Variants in LOC102723971 observed in about 807,000 individuals in gnomAD.
At chr9:135,617,412 CGA>C in the LOC102723971 span, among the ~76,000 whole-genome samples, 9 of 152,132 alleles carry the variant, frequency 5.9e-5, no homozygotes, top group East Asian at 9.7e-4. Flanking sequence ...GAGAAGGGCT[CGA>C]AGGGCACAGG....
the LOC102723971 span, among the ~76,000 whole-genome samples, chr9:135,619,536 C>T: frequency 2.0e-5 from 3 of 152,116 alleles, no homozygotes; most frequent in South Asian, 2.1e-4. Context: ...CGTGAGCAAA[C>T]GCATATGTCC....
the LOC102723971 span, among the ~76,000 whole-genome samples, chr9:135,619,170 C>T: frequency 6.6e-6 from 1 of 152,154 alleles, no homozygotes; most frequent in Non-Finnish European, 1.5e-5. Flanking sequence ...GGCCTCTTCC[C>T]TCTGTGCGTC....
chr9:135,617,801 C>T, the LOC102723971 span: 5 of 394,260 alleles, frequency 1.3e-5, no homozygotes, highest in African/African-American at 2.1e-5. Flanking sequence ...GTCCGAAGAG[C>T]CCCCAGACTG....
chr9:135,618,041 G>A, the LOC102723971 span: 8 of 398,598 alleles, frequency 2.0e-5, no homozygotes, highest in Non-Finnish European at 3.1e-5. Context: ...CTTCAACATA[G>A]ATGGTGAGCA....
the LOC102723971 span, among the ~76,000 whole-genome samples, chr9:135,618,318 G>C: frequency 1.3e-5 from 2 of 152,270 alleles, no homozygotes; most frequent in Non-Finnish European, 2.9e-5. Context: ...GAGCTGGAAG[G>C]GATCCAGATC....
the LOC102723971 span, among the ~76,000 whole-genome samples, chr9:135,619,856 C>A: frequency 7.6e-6 from 1 of 132,050 alleles, no homozygotes; most frequent in South Asian, 2.7e-4. Flanking sequence ...GCCTTCTCCC[C>A]CTTCTCCCCC....
At chr9:135,616,872 A>C in the LOC102723971 span, 1 of 398,528 alleles carries the variant, frequency 2.5e-6, no homozygotes, top group Non-Finnish European at 4.4e-6. Flanking sequence ...CGGAGGAGAG[A>C]GGCATCGTGC....
the LOC102723971 span, among the ~76,000 whole-genome samples, chr9:135,617,644 C>A: frequency 2.4e-3 from 371 of 152,302 alleles, no homozygotes; most frequent in African/African-American, 8.2e-3. Context: ...GGGGTCTCCA[C>A]TGAGGCAGGC....
chr9:135,617,001 C>A, the LOC102723971 span: 10 of 398,548 alleles, frequency 2.5e-5, no homozygotes, highest in Non-Finnish European at 4.0e-5. Context: ...GATCACCAAC[C>A]TGTGGGTGCT....
the LOC102723971 span, among the ~76,000 whole-genome samples, chr9:135,619,365 C>G: frequency 6.6e-6 from 1 of 152,158 alleles, no homozygotes; most frequent in Non-Finnish European, 1.5e-5. Flanking sequence ...GTCCCAGGTG[C>G]CTCCGATGCA....
chr9:135,618,968 T>C, the LOC102723971 span: 173 of 401,164 alleles, frequency 4.3e-4, 1 homozygote, highest in African/African-American at 3.3e-3. Flanking sequence ...GGTCTGGCGG[T>C]TCTGGAGTCT....
At chr9:135,614,539 C>T in the LOC102723971 span, among the ~76,000 whole-genome samples, 3 of 152,134 alleles carry the variant, frequency 2.0e-5, no homozygotes, top group Non-Finnish European at 2.9e-5. Context: ...TGTCCTCCCG[C>T]GCAGCCAGCA....
At chr9:135,619,079 C>G in the LOC102723971 span, 2 of 399,350 alleles carry the variant, frequency 5.0e-6, no homozygotes, top group Admixed American at 8.8e-5. Flanking sequence ...CCTGGAAGCC[C>G]TTTTGCATCT....
At chr9:135,616,947 G>T in the LOC102723971 span, 7 of 398,502 alleles carry the variant, frequency 1.8e-5, no homozygotes, top group African/African-American at 2.1e-5. Context: ...CGTCAGCACC[G>T]ACTACAGCAA....
chr9:135,615,476 G>A, the LOC102723971 span: 4 of 398,598 alleles, frequency 1.0e-5, no homozygotes, highest in Non-Finnish European at 1.8e-5. Context: ...CGGCGGGGAC[G>A]TGGACTTCGT....
At chr9:135,614,586 T>A in the LOC102723971 span, among the ~76,000 whole-genome samples, 7 of 152,028 alleles carry the variant, frequency 4.6e-5, 1 homozygote, top group East Asian at 1.3e-3. Context: ...CCTTTCCCTC[T>A]CTCCGGGCTG....
At chr9:135,616,818 A>G in the LOC102723971 span, 1 of 398,402 alleles carries the variant, frequency 2.5e-6, no homozygotes, top group East Asian at 3.6e-5. Context: ...TCTTGGTGGC[A>G]TTGCAATGTC....
chr9:135,614,514 G>A, the LOC102723971 span, among the ~76,000 whole-genome samples: 2 of 152,160 alleles, frequency 1.3e-5, no homozygotes, highest in South Asian at 4.1e-4. Flanking sequence ...GTCCAACCCA[G>A]GCGGGAGCGG....
At chr9:135,619,673 C>T in the LOC102723971 span, among the ~76,000 whole-genome samples, 1 of 152,126 alleles carries the variant, frequency 6.6e-6, no homozygotes, top group Non-Finnish European at 1.5e-5. Context: ...CCAACGCCCA[C>T]TCCTCGGAGC....
Sources: gnomAD v4.1 joint callset for allele counts (sites outside exome capture counted in the v4.1 genomes callset) on GRCh38, gnomAD v4.1.1 for gene constraint, MANE v1.5 for transcripts.